The following ZNF365 variants were observed in gnomAD, a reference collection of about 807,000 sequenced individuals.
ZNF365 encodes zinc finger protein 365, also known as protein ZNF365.
Under a neutral mutation model 35.0 loss-of-function variants are expected in ZNF365, and 22 were observed. That is an observed-to-expected ratio of 0.63 (90% CI 0.45 to 0.90). ZNF365 has a LOEUF of 0.90. Among genes scored for constraint, ZNF365 ranks in the 40% least tolerant of loss-of-function variants. The pLI, the probability that ZNF365 is intolerant of heterozygous loss-of-function variation, is 0.00. For synonymous variants in ZNF365, 188 were observed against 196.2 expected (o/e 0.96, Z 0.35); for missense variants, 448 against 500.3 (o/e 0.90, Z 1.00).
rs1839522245 is a variant in ZNF365 at position 62,386,151 on chromosome 10, G to A, written c.744-2245G>A. 2.0e-5 allele frequency among the ~76,000 whole-genome samples: 3 copies of A among 152,118 alleles called. No homozygotes were observed. In the South Asian group the frequency reaches 6.2e-4, roughly 32 times the overall value. On this transcript the variant is annotated intron_variant, in intron 2 of 4. Transcript: ENST00000395254. ...TAAGCAAGAACCATGAAAGGGCTGG[G>A]GATGCATTCACATGGGCCCGCCACT...
At chr10:62,478,841 T>G (rs1841175280) in intron 4 of ZNF365, among the ~76,000 whole-genome samples, 1 of 152,244 alleles carries the variant, frequency 6.6e-6, no homozygotes. Context: ...CCCAAAGTGC[T>G]GGGCTTACAA....
chr10:62,474,523 G>A (rs1033193204), intron 4 of ZNF365, among the ~76,000 whole-genome samples: 1 of 152,166 alleles, frequency 6.6e-6, no homozygotes, highest in Non-Finnish European at 1.5e-5. Context: ...ATTTCTGTGA[G>A]AGCCTATTTT....
chr10:62,479,965 G>T, exon 5 of ZNF365: 1 of 1,605,316 alleles, frequency 6.2e-7, no homozygotes, highest in Non-Finnish European at 8.5e-7. Flanking sequence ...TTGTGCCAGA[G>T]AAGCTTTCAT....
chr10:62,410,829 C>T (rs1455510601), intron 3 of ZNF365, among the ~76,000 whole-genome samples: 1 of 152,070 alleles, frequency 6.6e-6, no homozygotes, highest in Non-Finnish European at 1.5e-5. Context: ...ATTTCTGCTT[C>T]TAGATCTTTG....
chr10:62,450,924 G>A (rs530851739), intron 3 of ZNF365, among the ~76,000 whole-genome samples: 1 of 152,162 alleles, frequency 6.6e-6, no homozygotes, highest in Non-Finnish European at 1.5e-5. Context: ...ATCACATATA[G>A]TTAAGACAAG....
At chr10:62,392,402 A>T (rs1839645825) in intron 3 of ZNF365, among the ~76,000 whole-genome samples, 1 of 152,034 alleles carries the variant, frequency 6.6e-6, no homozygotes, top group Non-Finnish European at 1.5e-5. Context: ...ATCCATCTTG[A>T]GTTGATTTTA....
At chr10:62,380,801 T>C (rs1018030031) in intron 2 of ZNF365, among the ~76,000 whole-genome samples, 3 of 152,240 alleles carry the variant, frequency 2.0e-5, no homozygotes, top group African/African-American at 7.2e-5. Context: ...GAAACCTTGC[T>C]TTAAGGTATC....
chr10:62,459,464 G>A (rs555272589), intron 3 of ZNF365, among the ~76,000 whole-genome samples: 4 of 152,302 alleles, frequency 2.6e-5, no homozygotes, highest in African/African-American at 7.2e-5. Context: ...CACACATCCA[G>A]ACTAAAATAT....
chr10:62,376,265 G>A lies in ZNF365; in HGVS notation c.72G>A (p.Leu24=), dbSNP rs769025711. Residue 24 remains leucine (L), a synonymous_variant, in exon 2 of 5, where the codon CTG becomes CTA. Transcript: ENST00000395254. ...QESFENVAVC[L]PLRCPRCGDH... is the part of the protein sequence containing the mutation. Reference sequence around the variant, plus strand: ...CCTTTGAGAATGTTGCTGTGTGCCTGCCATTACGCTGCCCGAGGTGTGGAG... The same window carrying A: ...CCTTTGAGAATGTTGCTGTGTGCCTACCATTACGCTGCCCGAGGTGTGGAG... 6.2e-7 allele frequency: 1 copy of A among 1,614,132 alleles called. No individual in the cohort carries two copies. The highest frequency in any genetic ancestry group is 1.7e-5 in the Admixed American group (1 of 60,024).
chr10:62,414,101 G>A (rs545141156), intron 3 of ZNF365, among the ~76,000 whole-genome samples: 1 of 152,184 alleles, frequency 6.6e-6, no homozygotes, highest in East Asian at 1.9e-4. Context: ...GAAATGCTTT[G>A]TGACTCTAAT....
intron 3 of ZNF365, among the ~76,000 whole-genome samples, chr10:62,451,476 GCAAAAAAGCAGAAA>G (rs1840683464): frequency 6.6e-6 from 1 of 152,088 alleles, no homozygotes; most frequent in African/African-American, 2.4e-5. Flanking sequence ...GCTGGTGGTA[GCAAAAAAGCAGAAA>G]CTGGTGCAGA....
chr10:62,432,923 C>T (rs1295990370), intron 3 of ZNF365, among the ~76,000 whole-genome samples: 1 of 152,152 alleles, frequency 6.6e-6, no homozygotes, highest in East Asian at 1.9e-4. Context: ...GGAGATCTTT[C>T]CCAGTAAACC....
chr10:62,389,127 T>C (rs1839578953), intron 3 of ZNF365, among the ~76,000 whole-genome samples: 1 of 152,122 alleles, frequency 6.6e-6, no homozygotes, highest in East Asian at 1.9e-4. Flanking sequence ...GTTTTGCATA[T>C]AGTTTCAGGA....
exon 5 of ZNF365, chr10:62,479,954 A>G: frequency 6.2e-7 from 1 of 1,609,410 alleles, no homozygotes; most frequent in Non-Finnish European, 8.5e-7. Flanking sequence ...TCGCAAATTA[A>G]TTGTGCCAGA....
chr10:62,419,981 TATAAATTTAGAGAGA>T (rs1445083988), intron 3 of ZNF365, among the ~76,000 whole-genome samples: 16 of 152,158 alleles, frequency 1.1e-4, no homozygotes, highest in Non-Finnish European at 1.8e-4. Flanking sequence ...CAAAAAAATA[TATAAATTTAGAGAGA>T]TGTTTTCTCC....
At chr10:62,417,139 T>G (rs1840087960) in intron 3 of ZNF365, among the ~76,000 whole-genome samples, 1 of 152,090 alleles carries the variant, frequency 6.6e-6, no homozygotes, top group African/African-American at 2.4e-5. Context: ...TTCCTAAAAA[T>G]TTCCAACATT....
intron 3 of ZNF365, among the ~76,000 whole-genome samples, chr10:62,415,909 A>G (rs1347703157): frequency 6.6e-6 from 1 of 152,190 alleles, no homozygotes; most frequent in Non-Finnish European, 1.5e-5. Context: ...TGTTTAGAAA[A>G]TTAGCCATTC....
chr10:62,431,651 G>A (rs1160710810), intron 3 of ZNF365, among the ~76,000 whole-genome samples: 1 of 152,064 alleles, frequency 6.6e-6, no homozygotes, highest in Admixed American at 6.6e-5. Context: ...TGAGCCTCTA[G>A]GCAAAAGGGT....
intron 4 of ZNF365, among the ~76,000 whole-genome samples, chr10:62,466,189 T>C (rs1291883447): frequency 6.6e-6 from 1 of 152,212 alleles, no homozygotes; most frequent in African/African-American, 2.4e-5. Context: ...TGTGACACAC[T>C]GTAACACCCT....
Sources: gnomAD v4.1 joint callset for allele counts (sites outside exome capture counted in the v4.1 genomes callset) on GRCh38, gnomAD v4.1.1 for gene constraint, MANE v1.5 for transcripts, NCBI Gene and HGNC (gene_info 2026-07-23, HGNC 2026-07-21) for gene names.